PLEC: variants seen among roughly 807,000 people sequenced by gnomAD.
PLEC encodes the protein hemidesmosomal protein 1.
A neutral mutation model predicts 392.8 loss-of-function variants in PLEC; 216 were observed. That is an observed-to-expected ratio of 0.55 (90% CI 0.49 to 0.62). PLEC has a LOEUF of 0.62. Ranked by LOEUF, PLEC falls within the 20% of genes least tolerant of loss-of-function variation. PLEC has a pLI of 0.00. For synonymous variants in PLEC, 3,621 were observed against 2,980.6 expected (o/e 1.21, Z -7.00); for missense variants, 6,863 against 6,563.4 (o/e 1.05, Z -1.58).
At chr8:143,949,571 A>G (rs55754956) in intron 1 of PLEC, among the ~76,000 whole-genome samples, 49,246 of 152,072 alleles carry the variant, frequency 0.32, 8,747 homozygotes, top group Non-Finnish European at 0.4. Flanking sequence ...GCCAGCAGAC[A>G]CCACACCACA....
At chr8:143,931,168 C>A (rs1827134944) in intron 19 of PLEC, among the ~76,000 whole-genome samples, 1 of 152,220 alleles carries the variant, frequency 6.6e-6, no homozygotes, top group African/African-American at 2.4e-5. Flanking sequence ...AGCACAAGGG[C>A]TGGCGGCAGC....
At position 143,929,842 on chromosome 8, in the gene PLEC, C is replaced by T. The variant is rs370341865; in HGVS notation, c.2740-13G>A. 63 of 1,599,658 alleles carry T rather than the reference C, an allele frequency of 3.9e-5. 1 individual carries two copies. The highest frequency in any genetic ancestry group is 2.2e-4 in the East Asian group (10 of 44,822). On this transcript the variant is annotated splice_polypyrimidine_tract_variant and intron_variant, in intron 22 of 31. Coordinates refer to ENST00000345136, the MANE Select transcript of PLEC (RefSeq NM_201384.3). ...TCAGGGTGCGGAACTGGGGGAAGCA[C>T]GTGGGGCTGAGTGCCGGGCGAGGCG... is the stretch of plus-strand genomic sequence containing the variant.
chr8:143,970,877 C>T (rs1053604590), intron 1 of PLEC, among the ~76,000 whole-genome samples: 6 of 152,194 alleles, frequency 3.9e-5, no homozygotes, highest in African/African-American at 1.4e-4. Flanking sequence ...GCTGGGCCGA[C>T]TGTCTAAGTC....
At position 143,919,708 on chromosome 8, in the gene PLEC, G is replaced by A; in HGVS notation, c.10113C>T (p.Ile3371=). The A allele has an allele frequency of 6.2e-7, 1 of 1,605,264 alleles. No individual in the cohort carries two copies. The highest frequency in any genetic ancestry group is 8.5e-7 in the Non-Finnish European group (1 of 1,176,064). The change falls in exon 32 of 32, where the codon ATC becomes ATT. Residue 3371 remains isoleucine (I), a synonymous_variant. Coordinates refer to ENST00000345136, the MANE Select transcript of PLEC (RefSeq NM_201384.3). ...YLEDTKEKVS[I]YEAMRRGLLR... ...GCAGGCCCCGGCGCATGGCCTCGTA[G>A]ATGGACACCTTCTCCTTGGTGTCCT...
At chr8:143,953,745 G>A (rs1554738183), upstream of PLEC, 6 of 1,612,158 alleles carry the variant, frequency 3.7e-6, no homozygotes, top group African/African-American at 5.3e-5. Context: ...AGCTGATCTC[G>A]TTCTGGATGG....
rs1478701325 is a variant in PLEC, at chr8:143,920,185, G to A, written c.9636C>T (p.Leu3212=). Residue 3212 remains leucine, a synonymous_variant, in exon 32 of 32, where the codon CTC becomes CTT. Coordinates refer to ENST00000345136, the MANE Select transcript of PLEC (RefSeq NM_201384.3). The stretch of plus-strand genomic sequence containing the variant: ...GCCGGGCCCGAGCAGCCTTTTCTGA[G>A]AGCGGCAGCAGGCTCAGCCCGGTCA... ...DQLTGLSLLP[L]SEKAARARQE... is the part of the protein sequence containing the mutation. The A allele has an allele frequency of 4.3e-6, 7 of 1,611,492 alleles. No homozygotes were observed. The highest frequency in any genetic ancestry group is 1.7e-5 in the Admixed American group (1 of 59,984).
chr8:143,935,465 T>G, intron 6 of PLEC, 152 bp from the exon 7 acceptor site: 1 of 694,124 alleles, frequency 1.4e-6, no homozygotes, highest in Non-Finnish European at 2.6e-6. Flanking sequence ...TGGGCAGAGC[T>G]GAGAGCACCC....
chr8:143,922,906 C>T lies in PLEC; in HGVS notation c.7023G>A (p.Glu2341=), dbSNP rs782256231. 7 of 1,594,550 alleles carry T rather than the reference C, an allele frequency of 4.4e-6. No homozygotes were observed. Among genetic ancestry groups the T allele is most frequent in the Middle Eastern group, 1.7e-4 (1 of 6,032 alleles). Residue 2341 remains glutamate (E), a synonymous_variant, in exon 31 of 32, where the codon GAG becomes GAA. Transcript: ENST00000345136. ...TGTCCTCCTGCAGCCGCCGCGCCTG[C>T]TCCTGCGCAAGCTCCTTCTGCTGCT... The part of the protein sequence containing the change: ...LLQQQKELAQ[E]QARRLQEDKE...
At chr8:143,947,581 C>T (rs2132655090) in intron 1 of PLEC, among the ~76,000 whole-genome samples, 1 of 150,092 alleles carries the variant, frequency 6.7e-6, no homozygotes, top group East Asian at 1.9e-4. Flanking sequence ...CCCGTCTCTA[C>T]TAAAAAAAAA....
chr8:143,950,480 T>C (rs1554735574), exon 1 of PLEC: 13 of 1,607,950 alleles, frequency 8.1e-6, no homozygotes, highest in Non-Finnish European at 1.1e-5. Flanking sequence ...GATGCCTTCA[T>C]TGGTGAGGTA....
intron 1 of PLEC, among the ~76,000 whole-genome samples, chr8:143,962,330 C>CG (rs1832906737): frequency 6.6e-6 from 1 of 152,176 alleles, no homozygotes; most frequent in African/African-American, 2.4e-5. Context: ...AGGCTCTTCC[C>CG]GGGTGCCTTC....
Position 143,922,294 on chromosome 8 carries a change from G to A in PLEC, c.7527C>T (p.Ile2509=), listed in dbSNP as rs782605503. The A allele has an allele frequency of 2.5e-4, 404 of 1,607,280 alleles. No homozygotes were observed. Among genetic ancestry groups the A allele is most frequent in the Non-Finnish European group, 3.2e-4 (374 of 1,179,652 alleles). ...KDSLLQRERF[I]EQEKAKLEQL... is the part of the protein sequence containing the mutation. The stretch of plus-strand genomic sequence containing the variant: ...GCTCCAGCTTGGCCTTCTCCTGCTC[G>A]ATGAAGCGCTCCCGCTGTAGCAGGC... Residue 2509 remains isoleucine (I), a synonymous_variant, in exon 32 of 32, where the codon ATC becomes ATT. Transcript: ENST00000345136.
At position 143,923,805 on chromosome 8, in the gene PLEC, C is replaced by A. The variant is rs782015025; in HGVS notation, c.6124G>T (p.Ala2042Ser). The change falls in exon 31 of 32, where the codon GCC becomes TCC. Residue 2042 changes from alanine to serine, a missense_variant. By Grantham distance (99) the Ala-to-Ser change is moderately conservative. Coordinates refer to ENST00000345136, the MANE Select transcript of PLEC (RefSeq NM_201384.3). ...TCCGCCTGCAGCCGCTTCTGGGCGGCCTCCTGGGCCAGCTGCAGCTGCCGC... is the reference window on the plus strand; with the variant it reads ...TCCGCCTGCAGCCGCTTCTGGGCGGACTCCTGGGCCAGCTGCAGCTGCCGC... Reference protein sequence around the residue: ...SARQLQLAQEAAQKRLQAEEK... With the variant: ...SARQLQLAQESAQKRLQAEEK... 2.5e-6 allele frequency: 4 copies of A among 1,580,528 alleles called. No homozygotes were observed. The African/African-American group carries it at 5.4e-5, about 21-fold the overall frequency.
intron 1 of PLEC, among the ~76,000 whole-genome samples, chr8:143,967,231 C>T (rs916596394): frequency 1.3e-5 from 2 of 151,842 alleles, no homozygotes; most frequent in African/African-American, 2.4e-5. Flanking sequence ...GGCATGGTGG[C>T]GGGCGCCTGT....
chr8:143,922,744 G>A lies in PLEC; in HGVS notation c.7185C>T (p.Ala2395=), dbSNP rs782601966. The change falls in exon 31 of 32, where the codon GCC becomes GCT. Residue 2395 remains alanine (A), a synonymous_variant. Transcript: ENST00000345136. ...LKLRVAEMSR[A]QARAEEDAQR... ...GGGCGTCCTCCTCAGCGCGGGCCTGGGCTCGGCTCATCTCGGCCACACGCA... is the reference window on the plus strand; with the variant it reads ...GGGCGTCCTCCTCAGCGCGGGCCTGAGCTCGGCTCATCTCGGCCACACGCA... 6.8e-6 allele frequency: 11 copies of A among 1,610,370 alleles called. No homozygotes were observed. Among genetic ancestry groups the A allele is most frequent in the Non-Finnish European group, 8.5e-6 (10 of 1,179,562 alleles).
In PLEC at chr8:143,916,180, G is replaced by A. The variant is rs782535880; in HGVS notation, c.13641C>T (p.Ala4547=). The A allele has an allele frequency of 1.9e-6, 3 of 1,538,968 alleles. No individual in the cohort carries two copies. Among genetic ancestry groups the A allele is most frequent in the Admixed American group, 2.0e-5 (1 of 50,460 alleles). Residue 4547 remains alanine, a synonymous_variant, in exon 32 of 32, where the codon GCC becomes GCT. Coordinates refer to ENST00000345136, the MANE Select transcript of PLEC (RefSeq NM_201384.3). ...AGCGGGGTGGGCGCAGGCAGCCTCA[G>A]GCCACGGCAGACTCAGGGCCCCCCA... is the stretch of plus-strand genomic sequence containing the variant. The part of the protein sequence containing the change: ...ASLGGPESAV[A]
upstream of PLEC, chr8:143,942,467 C>T (rs1326942039): frequency 6.2e-7 from 1 of 1,600,042 alleles, no homozygotes; most frequent in Non-Finnish European, 8.5e-7. Context: ...CACGGCCGCT[C>T]CAGCAAGACC....
rs782130309 is a variant in PLEC at position 143,917,432 on chromosome 8, G to A, written c.12389C>T (p.Thr4130Met). Residue 4130 changes from threonine to methionine, a missense_variant, in exon 32 of 32, where the codon ACG becomes ATG. By Grantham distance (81) the Thr-to-Met change is moderately conservative. Coordinates refer to ENST00000345136, the MANE Select transcript of PLEC (RefSeq NM_201384.3). ...CTTGCGCACGGAGGACTTGGAGGAC[G>A]TCTTCCGCTCCCGCTTCTTCTCCTT... ...PLKEKKRERK[T>M]SSKSSVRKRR... is the part of the protein sequence containing the mutation. The A allele has an allele frequency of 9.9e-6, 16 of 1,613,196 alleles. No individual in the cohort carries two copies. Among genetic ancestry groups the A allele is most frequent in the African/African-American group, 6.7e-5 (5 of 74,904 alleles).
rs782548383 is a variant in PLEC at position 143,925,705 on chromosome 8, C to G, written c.4224G>C (p.Ala1408=). The stretch of plus-strand genomic sequence containing the variant: ...TGCGCTTCTGCTGCTGCGCGTCCAC[C>G]GCCGCCTCCTCCCGCCGCACCACCT... ...QEEVVRREEA[A]VDAQQQKRSI... Residue 1408 remains alanine (A), a synonymous_variant, in exon 31 of 32, where the codon GCG becomes GCC. Coordinates refer to ENST00000345136, the MANE Select transcript of PLEC (RefSeq NM_201384.3). 1 of 1,592,666 alleles carries G rather than the reference C, an allele frequency of 6.3e-7. No homozygotes were observed. Among genetic ancestry groups the G allele is most frequent in the Admixed American group, 1.7e-5 (1 of 59,496 alleles).
Sources: gnomAD v4.1 joint callset for allele counts (sites outside exome capture counted in the v4.1 genomes callset) on GRCh38, gnomAD v4.1.1 for gene constraint, MANE v1.5 for transcripts, NCBI Gene and HGNC (gene_info 2026-07-23, HGNC 2026-07-21) for gene names.